Variants in ZNF451 observed in about 807,000 individuals in gnomAD.
ZNF451 encodes zinc finger protein 451.
In ZNF451, 80 loss-of-function variants were observed where a neutral mutation model predicts 107.1. The observed-to-expected ratio is 0.75, with a 90% CI of 0.62 to 0.90. ZNF451 has a LOEUF of 0.90. ZNF451 is among the 40% of genes least tolerant of loss of function. The pLI is 0.00. For synonymous variants in ZNF451, 362 were observed against 406.5 expected, an observed-to-expected ratio of 0.89 and a Z score of 1.32; for missense variants, 1,107 against 1,236.2, an observed-to-expected ratio of 0.90 and a Z score of 1.57.
intron 3 of ZNF451, chr6:57,108,269 TTTC>T: frequency 2.0e-6 from 2 of 985,488 alleles, no homozygotes; most frequent in Non-Finnish European, 2.4e-6. Context: ...ATAGTACTGT[TTTC>T]TTTCATTACC....
intron 14 of ZNF451, among the ~76,000 whole-genome samples, chr6:57,163,917 A>T (rs1283117927): frequency 6.6e-6 from 1 of 152,204 alleles, no homozygotes; most frequent in African/African-American, 2.4e-5. Context: ...TCTAGACCTG[A>T]TAACAAAACT....
intron 5 of ZNF451, among the ~76,000 whole-genome samples, chr6:57,129,370 TC>T (rs1397297514): frequency 6.6e-6 from 1 of 152,152 alleles, no homozygotes; most frequent in African/African-American, 2.4e-5. Flanking sequence ...CATGTCTTAC[TC>T]CACCGGATAA....
At chr6:57,106,020 T>C (rs1290734714) in intron 3 of ZNF451, 2 of 977,512 alleles carry the variant, frequency 2.0e-6, no homozygotes, top group Non-Finnish European at 2.4e-6. Flanking sequence ...TTTAGTATTC[T>C]ATATTAGTAC....
In ZNF451 at chr6:57,164,627, TAAC is replaced by T. The variant is rs554573908; in HGVS notation, c.3139+3479_3139+3481del. ...TAGCAGTCAAAACTGCTCTTAATCTTAACAACTTGTGAGAGTCAGACTATTCTC... is the reference window on the plus strand; with the variant it reads ...TAGCAGTCAAAACTGCTCTTAATCTTAACTTGTGAGAGTCAGACTATTCTC... On this transcript the variant is annotated intron_variant, in intron 14 of 14. Coordinates refer to ENST00000370706, the MANE Select transcript of ZNF451 (RefSeq NM_001031623.3). Among the ~76,000 whole-genome samples the T allele has an allele frequency of 1.9e-3, 285 of 152,350 alleles. 1 individual carries two copies. Among genetic ancestry groups the T allele is most frequent in the African/African-American group, 6.2e-3 (257 of 41,592 alleles).
intron 3 of ZNF451, among the ~76,000 whole-genome samples, chr6:57,110,659 A>G (rs995877894): frequency 1.2e-4 from 19 of 152,128 alleles, no homozygotes; most frequent in African/African-American, 4.6e-4. Context: ...TGACTTACAG[A>G]TCATTTCTAG....
intron 14 of ZNF451, 75 bp downstream of exon 14, chr6:57,161,227 C>A (rs1763661292): frequency 3.7e-6 from 3 of 802,836 alleles, no homozygotes; most frequent in Non-Finnish European, 3.7e-6. Context: ...TGTCTCTCAC[C>A]CATTCACCCC....
intron 3 of ZNF451, chr6:57,115,462 A>G (rs1159942745): frequency 1.3e-5 from 2 of 152,212 alleles, no homozygotes; most frequent in African/African-American, 2.4e-5. Flanking sequence ...TTACCTGTGT[A>G]TGCTTAACTT....
At position 57,104,732 on chromosome 6, in the gene ZNF451, C is replaced by T. The variant is rs1006221947; in HGVS notation, c.186+5591C>T. 3.0e-6 allele frequency: 3 copies of T among 985,244 alleles called. No individual in the cohort carries two copies. The African/African-American group carries it at 5.2e-5, about 17-fold the overall frequency. 61.0% of individuals were successfully genotyped at this position (985,244 alleles called of 1,614,324 possible). ...CTTAAATATTTGTAAGATGATGTTGCTGTTCTCTTTTCCTCCTGTGATATT... is the reference window on the plus strand; with the variant it reads ...CTTAAATATTTGTAAGATGATGTTGTTGTTCTCTTTTCCTCCTGTGATATT... On this transcript the variant is annotated intron_variant, in intron 3 of 14. Coordinates refer to ENST00000370706, the MANE Select transcript of ZNF451 (RefSeq NM_001031623.3).
chr6:57,139,590 G>A (rs546210803), intron 7 of ZNF451, among the ~76,000 whole-genome samples: 1 of 152,236 alleles, frequency 6.6e-6, no homozygotes, highest in Non-Finnish European at 1.5e-5. Flanking sequence ...CCATTAACAA[G>A]AAGTTAAATT....
intron 7 of ZNF451, among the ~76,000 whole-genome samples, chr6:57,135,982 A>G (rs1831407716): frequency 6.6e-6 from 1 of 152,212 alleles, no homozygotes; most frequent in African/African-American, 2.4e-5. Flanking sequence ...ACAGCAGAGA[A>G]TTAAAGCTTG....
At chr6:57,163,619 T>C (rs1302141362) in intron 14 of ZNF451, among the ~76,000 whole-genome samples, 1 of 149,350 alleles carries the variant, frequency 6.7e-6, no homozygotes, top group East Asian at 2.0e-4. Context: ...CCCGGCTAAT[T>C]TTTTGTATTT....
intron 7 of ZNF451, among the ~76,000 whole-genome samples, chr6:57,138,725 A>ATG (rs1256642481): frequency 2.1e-4 from 25 of 116,384 alleles, no homozygotes; most frequent in Admixed American, 3.6e-4. Context: ...ATATATATAT[A>ATG]TATATATATA....
intron 3 of ZNF451, among the ~76,000 whole-genome samples, chr6:57,124,121 G>A (rs1289821495): frequency 1.3e-5 from 2 of 152,122 alleles, no homozygotes; most frequent in African/African-American, 4.8e-5. Flanking sequence ...TAAATGTGTT[G>A]TTAGCTGTAG....
rs747579655 is a variant in ZNF451 at position 57,133,143 on chromosome 6, T to G, written c.526T>G (p.Cys176Gly). Reference protein sequence around the residue: ...GKPILCPIMHCNKEFDNGHLL... With the variant: ...GKPILCPIMHGNKEFDNGHLL... The stretch of plus-strand genomic sequence containing the variant: ...ACCAATTTTATGTCCTATAATGCAC[T>G]GTAACAAGGAGTTTGACAATGGGCA... The change falls in exon 6 of 15, where the codon TGT becomes GGT. Residue 176 changes from cysteine to glycine, a missense_variant. Physicochemically the swap from Cys to Gly is radical, Grantham distance 159. Coordinates refer to ENST00000370706, the MANE Select transcript of ZNF451 (RefSeq NM_001031623.3). The G allele has an allele frequency of 6.2e-7, 1 of 1,614,122 alleles. No individual in the cohort carries two copies. The highest frequency in any genetic ancestry group is 8.5e-7 in the Non-Finnish European group (1 of 1,179,974).
intron 2 of ZNF451, among the ~76,000 whole-genome samples, chr6:57,094,176 A>G (rs1039804518): frequency 9.8e-5 from 15 of 152,360 alleles, no homozygotes; most frequent in Middle Eastern, 3.4e-3. Flanking sequence ...TTCATGAAAC[A>G]TATTTTAAAA....
At chr6:57,155,898 T>TTATTC (rs1447016310) in intron 13 of ZNF451, among the ~76,000 whole-genome samples, 1 of 151,750 alleles carries the variant, frequency 6.6e-6, no homozygotes, top group African/African-American at 2.4e-5. Flanking sequence ...CATGTGTACT[T>TTATTC]TATTCTTAGT....
chr6:57,150,252 A>G (rs72867059), intron 10 of ZNF451, among the ~76,000 whole-genome samples: 10,278 of 152,158 alleles, frequency 0.068, 498 homozygotes, highest in East Asian at 0.095. Flanking sequence ...AGGGTGTTTA[A>G]TCCTAGAACT....
chr6:57,147,473 A>G lies in ZNF451; in HGVS notation c.1388A>G (p.Gln463Arg). ...DKSHEGVACV[Q>R]KEKSVVKTWF... is the part of the protein sequence containing the mutation. ...AGCCATGAAGGTGTTGCTTGTGTCC[A>G]GAAAGAAAAATCAGTAGTTAAAACC... Residue 463 changes from glutamine to arginine, a missense_variant, in exon 10 of 15, where the codon CAG becomes CGG. Physicochemically the swap from Gln to Arg is conservative, Grantham distance 43. Transcript: ENST00000370706. The G allele has an allele frequency of 6.2e-7, 1 of 1,614,168 alleles. No homozygotes were observed. Among genetic ancestry groups the G allele is most frequent in the Non-Finnish European group, 8.5e-7 (1 of 1,179,992 alleles).
At position 57,168,466 on chromosome 6, in the gene ZNF451, GTAAT is replaced by G. The variant is rs1289616215; in HGVS notation, c.*1_*4del. The G allele has an allele frequency of 6.2e-7, 1 of 1,605,798 alleles. No individual in the cohort carries two copies. Among genetic ancestry groups the G allele is most frequent in the East Asian group, 2.2e-5 (1 of 44,580 alleles). On this transcript the variant is annotated stop_retained_variant and 3_prime_UTR_variant, in exon 15 of 15. Transcript: ENST00000370706. The stretch of plus-strand genomic sequence containing the variant: ...CTATTAGAAGAAGTCTTGAGGAAAT[GTAAT>G]TAAAGATATTACCACACAACATCAA...
Sources: allele counts gnomAD v4.1 joint callset (sites outside exome capture counted in the v4.1 genomes callset), GRCh38; gene constraint gnomAD v4.1.1; transcripts MANE v1.5; gene names NCBI Gene and HGNC (gene_info 2026-07-23, HGNC 2026-07-21).